The following DCUN1D3 variants were observed in gnomAD, a reference collection of about 807,000 sequenced individuals.
The protein encoded by DCUN1D3 is DCN1-like protein 3.
In DCUN1D3, 6 loss-of-function variants were observed where a neutral mutation model predicts 24.8. The ratio of observed to expected loss-of-function variants is 0.24; its 90% confidence interval spans 0.13 to 0.48. The LOEUF (loss-of-function observed/expected upper bound fraction) is 0.48, where lower values mean the gene tolerates loss of function less well. DCUN1D3 is among the 20% of genes least tolerant of loss of function. The pLI is 0.99. For missense variants in DCUN1D3, 258 were observed against 379.4 expected, an observed-to-expected ratio of 0.68 and a Z score of 2.66; for synonymous variants, 120 against 144.9, an observed-to-expected ratio of 0.83 and a Z score of 1.24.
In DCUN1D3 at chr16:20,864,480, CA is replaced by C. The variant is rs35420529; in HGVS notation, c.-105-1838del. ...GTCAGAATGGCTATTACTAAAAAGT[CA>C]AAAAAAAAAACAGGAGATGGTTAGG... On this transcript the variant is annotated intron_variant, in intron 1 of 2. Coordinates refer to ENST00000324344, the MANE Select transcript of DCUN1D3 (RefSeq NM_173475.4). 5.1e-3 allele frequency among the ~76,000 whole-genome samples: 710 copies of C among 138,436 alleles called. 5 individuals carry two copies. The highest frequency in any genetic ancestry group is 0.017 in the African/African-American group (635 of 37,794). 90.8% of individuals were successfully genotyped at this position (138,436 alleles called of 152,430 possible). A position where few individuals can be genotyped will look rare whatever the true frequency, so the allele number is the denominator to read the frequency against.
rs375504321 is a variant in DCUN1D3, at chr16:20,874,575, T to C, written c.-105-11932A>G. On this transcript the variant is annotated intron_variant, in intron 1 of 2. Coordinates refer to ENST00000324344, the MANE Select transcript of DCUN1D3 (RefSeq NM_173475.4). ...ACAATAACATGATCAACCTTCCAGC[T>C]GAAACAGGTATTTGATCTAAACCAT... Among the ~76,000 whole-genome samples the C allele has an allele frequency of 1.1e-3, 174 of 152,348 alleles. 4 individuals carry two copies. In the South Asian group the frequency reaches 0.035, roughly 31 times the overall value.
At position 20,860,486 on chromosome 16, in the gene DCUN1D3, T is replaced by C; in HGVS notation, c.432-117A>G. The C allele has an allele frequency of 9.5e-7, 1 of 1,057,334 alleles. No homozygotes were observed. Among genetic ancestry groups the C allele is most frequent in the Non-Finnish European group, 1.3e-6 (1 of 750,530 alleles). The allele number at this position is 1,057,334 out of a possible 1,614,324, so 65.5% of individuals were successfully genotyped here. A position where few individuals can be genotyped will look rare whatever the true frequency, so the allele number is the denominator to read the frequency against. ...AGATGGTCTGAATTTGAATTCTAAC[T>C]CCTCCAACTAATTAGTCCTATTTCC... On this transcript the variant is annotated intron_variant, in intron 2 of 2. Transcript: ENST00000324344. The surrounding 1 kb of genome is among the most constrained non-coding windows in gnomAD (Gnocchi z 4.3).
Position 20,862,113 on chromosome 16 carries a change from G to A in DCUN1D3, c.426C>T (p.Phe142=). 1 of 1,614,006 alleles carries A rather than the reference G, an allele frequency of 6.2e-7. No individual in the cohort carries two copies. The highest frequency in any genetic ancestry group is 1.7e-4 in the Middle Eastern group (1 of 6,058). The change falls in exon 2 of 3, where the codon TTC becomes TTT. Residue 142 remains phenylalanine, a synonymous_variant. Coordinates refer to ENST00000324344, the MANE Select transcript of DCUN1D3 (RefSeq NM_173475.4). ...ATAAAGTGTTTGTGACTAACCTGGT[G>A]AATTTGCACATGGTTGCAGCCTGGA... ...WKFQAATMCK[F]TRKEFFDGCK...
At position 20,862,233 on chromosome 16, in the gene DCUN1D3, C is replaced by T; in HGVS notation, c.306G>A (p.Arg102=). ...TGCCTTCCTCCAAAATTGCATCTTC[C>T]CGCTCATCCTTGTAGCGCCTGAACA... The part of the protein sequence containing the change: ...EELFRRYKDE[R]EDAILEEGME... The change falls in exon 2 of 3, where the codon CGG becomes CGA. Residue 102 remains arginine (R), a synonymous_variant. Transcript: ENST00000324344. 1.2e-6 allele frequency: 2 copies of T among 1,614,238 alleles called. No homozygotes were observed. Among genetic ancestry groups the T allele is most frequent in the South Asian group, 2.2e-5 (2 of 91,090 alleles).
intron 1 of DCUN1D3, chr16:20,896,339 GCTTTCTAGGTTGC>G (rs1355226842): frequency 6.6e-6 from 1 of 152,158 alleles, no homozygotes; most frequent in East Asian, 1.9e-4. Context: ...GCATCAACTG[GCTTTCTAGGTTGC>G]CCACCTTTCA....
intron 1 of DCUN1D3, among the ~76,000 whole-genome samples, chr16:20,864,700 C>T (rs754371780): frequency 6.6e-6 from 1 of 152,226 alleles, no homozygotes; most frequent in Non-Finnish European, 1.5e-5. Context: ...CGAATGTTCA[C>T]TGCAGCACTA....
rs2081861513 is a variant in DCUN1D3, at chr16:20,884,937, T to C, written c.-106+15267A>G. Among the ~76,000 whole-genome samples, 6 of 151,268 alleles carry C rather than the reference T, an allele frequency of 4.0e-5. No homozygotes were observed. In the South Asian group the frequency reaches 1.3e-3, roughly 32 times the overall value. On this transcript the variant is annotated intron_variant, in intron 1 of 2. Transcript: ENST00000324344. ...CTCAAAATAAATAAATAAAATAAAT[T>C]AGGAGAATAATGTTGGGCTATATCA... is the stretch of plus-strand genomic sequence containing the variant.
At chr16:20,896,033 A>G (rs1286284249) in intron 1 of DCUN1D3, among the ~76,000 whole-genome samples, 1 of 152,204 alleles carries the variant, frequency 6.6e-6, no homozygotes, top group African/African-American at 2.4e-5. Flanking sequence ...AAATTACATG[A>G]GATATTCAAT....
intron 1 of DCUN1D3, among the ~76,000 whole-genome samples, chr16:20,897,986 G>A (rs1045381886): frequency 6.6e-6 from 1 of 152,112 alleles, no homozygotes; most frequent in Admixed American, 6.6e-5. Flanking sequence ...TACCTATTCT[G>A]AGCCCCATAT....
chr16:20,859,906 A>C lies in DCUN1D3; in HGVS notation c.895T>G (p.Cys299Gly), dbSNP rs2081722949. 3.7e-6 allele frequency: 6 copies of C among 1,612,192 alleles called. No individual in the cohort carries two copies. The highest frequency in any genetic ancestry group is 5.1e-6 in the Non-Finnish European group (6 of 1,178,694). ...GALSSGPEGLCPEEQT is the reference protein window; with the variant it reads ...GALSSGPEGLGPEEQT The stretch of plus-strand genomic sequence containing the variant: ...AGCCACTAAGTCTGCTCCTCGGGAC[A>C]CAAGCCCTCAGGCCCTGAGCTGAGT... The change falls in exon 3 of 3, where the codon TGT becomes GGT. Residue 299 changes from cysteine (C) to glycine (G), a missense_variant. By Grantham distance (159) the Cys-to-Gly change is radical (BLOSUM62 -3). Coordinates refer to ENST00000324344, the MANE Select transcript of DCUN1D3 (RefSeq NM_173475.4).
At chr16:20,881,341 AG>A (rs1379746863) in intron 1 of DCUN1D3, among the ~76,000 whole-genome samples, 11 of 152,194 alleles carry the variant, frequency 7.2e-5, no homozygotes, top group Non-Finnish European at 1.6e-4. Flanking sequence ...CAGGAATTTG[AG>A]GTTACAATGA....
chr16:20,889,844 CA>C (rs1410827515), intron 1 of DCUN1D3, among the ~76,000 whole-genome samples: 1 of 152,074 alleles, frequency 6.6e-6, no homozygotes, highest in Admixed American at 6.6e-5. Context: ...CTAGCCAAAC[CA>C]GAAAGACCAA....
At chr16:20,882,701 C>T (rs1161952069) in intron 1 of DCUN1D3, among the ~76,000 whole-genome samples, 1 of 152,230 alleles carries the variant, frequency 6.6e-6, no homozygotes, top group Non-Finnish European at 1.5e-5. Flanking sequence ...TAGCTGGCAA[C>T]ATATAAACAC....
intron 1 of DCUN1D3, among the ~76,000 whole-genome samples, chr16:20,871,927 G>A (rs1399490827): frequency 6.6e-6 from 1 of 152,148 alleles, no homozygotes; most frequent in Non-Finnish European, 1.5e-5. Flanking sequence ...AAACCAGAAA[G>A]CCATCCTGGA....
At chr16:20,885,327 T>C (rs1305395370) in intron 1 of DCUN1D3, among the ~76,000 whole-genome samples, 1 of 152,146 alleles carries the variant, frequency 6.6e-6, no homozygotes, top group Admixed American at 6.6e-5. Context: ...CACAGGGACC[T>C]ATCAGACTTG....
In DCUN1D3 at chr16:20,860,267, T is replaced by A; in HGVS notation, c.534A>T (p.Lys178Asn). The change falls in exon 3 of 3, where the codon AAA becomes AAT. Residue 178 changes from lysine to asparagine, a missense_variant. Transcript: ENST00000324344. The surrounding 1 kb of genome is among the most constrained non-coding windows in gnomAD (Gnocchi z 4.3). Reference protein sequence around the residue: ...SLLTEAKQEDKFKDLYRFTFQ... With the variant: ...SLLTEAKQEDNFKDLYRFTFQ... ...ATGTAAACCGGTAGAGATCCTTGAA[T>A]TTATCCTCTTGTTTGGCTTCTGTTA... The A allele has an allele frequency of 6.2e-7, 1 of 1,614,226 alleles. No homozygotes were observed.
chr16:20,862,482 A>G lies in DCUN1D3; in HGVS notation c.57T>C (p.Asn19=), dbSNP rs1323849229. 7 of 1,611,424 alleles carry G rather than the reference A, an allele frequency of 4.3e-6. No homozygotes were observed. The highest frequency in any genetic ancestry group is 5.9e-6 in the Non-Finnish European group (7 of 1,179,974). Reference sequence around the variant, plus strand: ...ACTTGTTGCTGGGCTCACGGTCTCCATTTTTGCTGCCCAGGGTCGATGAGG... The same window carrying G: ...ACTTGTTGCTGGGCTCACGGTCTCCGTTTTTGCTGCCCAGGGTCGATGAGG... ...KNPSSTLGSK[N]GDREPSNKSH... Residue 19 remains asparagine, a synonymous_variant, in exon 2 of 3, where the codon AAT becomes AAC. Coordinates refer to ENST00000324344, the MANE Select transcript of DCUN1D3 (RefSeq NM_173475.4).
intron 1 of DCUN1D3, among the ~76,000 whole-genome samples, chr16:20,864,321 G>A (rs565057551): frequency 2.6e-5 from 4 of 152,082 alleles, no homozygotes; most frequent in Non-Finnish European, 5.9e-5. Context: ...ATTAAAAAGT[G>A]GGCAAAGTAC....
rs539392630 is a variant in DCUN1D3, at chr16:20,860,027, G to T, written c.774C>A (p.Ser258Arg). 6.2e-7 allele frequency: 1 copy of T among 1,614,260 alleles called. No homozygotes were observed. The highest frequency in any genetic ancestry group is 1.3e-5 in the African/African-American group (1 of 75,074). Reference protein sequence around the residue: ...NFTQVIGPDLSNYSEDEAWPS... With the variant: ...NFTQVIGPDLRNYSEDEAWPS... ...GCCAGGCCTCATCTTCACTGTAGTT[G>T]CTGAGGTCAGGGCCAATCACCTGAG... Residue 258 changes from serine (S) to arginine (R), a missense_variant, in exon 3 of 3, where the codon AGC (serine) becomes AGA (arginine). Coordinates refer to ENST00000324344, the MANE Select transcript of DCUN1D3 (RefSeq NM_173475.4). The surrounding 1 kb of genome is among the most constrained non-coding windows in gnomAD (Gnocchi z 4.3).
Sources: gnomAD v4.1 joint callset for allele counts (sites outside exome capture counted in the v4.1 genomes callset) on GRCh38, gnomAD v4.1.1 for gene constraint, Gnocchi (gnomAD v3.1) non-coding constraint, MANE v1.5 for transcripts, NCBI Gene and HGNC (gene_info 2026-07-23, HGNC 2026-07-21) for gene names.